Variants in PDE11A observed in about 807,000 individuals in gnomAD.
PDE11A encodes phosphodiesterase 11A.
Under a neutral mutation model 100.5 loss-of-function variants are expected in PDE11A, and 100 were observed. The observed-to-expected ratio is 1.00, with a 90% CI of 0.85 to 1.18. The LOEUF is 1.18. PDE11A is among the 50% of genes most tolerant of loss of function. The pLI is 0.00. For missense variants in PDE11A, 1,141 were observed against 1,152.6 expected, an observed-to-expected ratio of 0.99 and a Z score of 0.15; for synonymous variants, 381 against 420.8, an observed-to-expected ratio of 0.91 and a Z score of 1.16.
intron 9 of PDE11A, among the ~76,000 whole-genome samples, chr2:177,798,978 A>G (rs559071976): frequency 1.8e-4 from 28 of 152,208 alleles, no homozygotes; most frequent in Non-Finnish European, 3.2e-4. Context: ...CAAGGTTAAC[A>G]TCAATCATGG....
chr2:177,706,795 C>T (rs79490986), intron 13 of PDE11A, among the ~76,000 whole-genome samples: 4,648 of 152,068 alleles, frequency 0.031, 103 homozygotes, highest in Non-Finnish European at 0.046. Flanking sequence ...TGCAAAAAAA[C>T]TCTCTGAAAT....
intron 9 of PDE11A, among the ~76,000 whole-genome samples, chr2:177,774,605 A>G (rs1188878699): frequency 6.6e-6 from 1 of 152,134 alleles, no homozygotes; most frequent in East Asian, 1.9e-4. Flanking sequence ...TTCTAGGCTC[A>G]GTCTCTTCTT....
chr2:177,965,611 T>C (rs552044332), intron 2 of PDE11A, among the ~76,000 whole-genome samples: 28 of 152,346 alleles, frequency 1.8e-4, no homozygotes, highest in Non-Finnish European at 2.8e-4. Context: ...ATTTATTGAA[T>C]AGACAGTCCT....
intron 1 of PDE11A, among the ~76,000 whole-genome samples, chr2:178,028,948 C>T (rs2086512089): frequency 6.6e-6 from 1 of 152,172 alleles, no homozygotes. Flanking sequence ...GTAGAAATTG[C>T]AACAAGCCCT....
intron 9 of PDE11A, among the ~76,000 whole-genome samples, chr2:177,790,941 A>C (rs780926433): frequency 6.6e-6 from 1 of 152,234 alleles, no homozygotes; most frequent in Non-Finnish European, 1.5e-5. Flanking sequence ...TGTTGGAGAG[A>C]CTGTAAACTA....
At chr2:177,697,829 G>A (rs1387965536) in intron 14 of PDE11A, among the ~76,000 whole-genome samples, 1 of 152,204 alleles carries the variant, frequency 6.6e-6, no homozygotes, top group Non-Finnish European at 1.5e-5. Flanking sequence ...ACCAGTGAAG[G>A]TTTAAGCTGG....
At chr2:177,825,112 G>A (rs1402422750) in intron 6 of PDE11A, among the ~76,000 whole-genome samples, 2 of 152,148 alleles carry the variant, frequency 1.3e-5, no homozygotes, top group African/African-American at 4.8e-5. Flanking sequence ...ACTGAATTTA[G>A]CAACATAGTG....
At chr2:177,748,367 GA>G (rs1208387434) in intron 10 of PDE11A, among the ~76,000 whole-genome samples, 4 of 152,144 alleles carry the variant, frequency 2.6e-5, no homozygotes, top group African/African-American at 9.7e-5. Context: ...AGAGTAGACA[GA>G]TTGTAAATTT....
In PDE11A at chr2:177,989,682, A is replaced by G. The variant is rs549336300; in HGVS notation, c.1071+24620T>C. 1.8e-3 allele frequency among the ~76,000 whole-genome samples: 279 copies of G among 152,310 alleles called. 7 individuals carry two copies. In the South Asian group the frequency reaches 0.041, roughly 22 times the overall value. ...AGTTAGTCACTGCTCCTCATCTGAA[A>G]TTCCTTCAACCTGAGGTTAGGAGCA... On this transcript the variant is annotated intron_variant, in intron 2 of 19. Coordinates refer to ENST00000286063, the MANE Select transcript of PDE11A (RefSeq NM_016953.4).
chr2:177,791,534 T>TTA (rs2082632802), intron 9 of PDE11A, among the ~76,000 whole-genome samples: 1 of 142,720 alleles, frequency 7.0e-6, no homozygotes. Context: ...ACTTAAAGTA[T>TTA]AAAAAAAAAA....
intron 9 of PDE11A, among the ~76,000 whole-genome samples, chr2:177,796,084 CAGTA>C (rs1178384815): frequency 9.3e-5 from 14 of 150,870 alleles, no homozygotes; most frequent in African/African-American, 3.4e-4. Flanking sequence ...ATTTTAGCTA[CAGTA>C]AGTCTTTTTG....
chr2:177,697,477 G>C (rs779646467), intron 14 of PDE11A, 45 bp from the exon 15 acceptor site: 6 of 914,142 alleles, frequency 6.6e-6, no homozygotes, highest in Non-Finnish European at 1.1e-5. Context: ...TAAATCTGTG[G>C]TTGTTGATTA....
Position 177,769,392 on chromosome 2 carries a change from A to T in PDE11A, c.1738-19T>A, listed in dbSNP as rs201535754. Reference sequence around the variant, plus strand: ...ATAGCACCTGATTCAGAAGAAAAAAAAATAATTTTAATAACTAGACATGAC... The same window carrying T: ...ATAGCACCTGATTCAGAAGAAAAAATAATAATTTTAATAACTAGACATGAC... On this transcript the variant is annotated intron_variant, in intron 9 of 19. Coordinates refer to ENST00000286063, the MANE Select transcript of PDE11A (RefSeq NM_016953.4). 118 of 1,462,830 alleles carry T rather than the reference A, an allele frequency of 8.1e-5. No homozygotes were observed. Among genetic ancestry groups the T allele is most frequent in the South Asian group, 3.1e-4 (27 of 87,932 alleles). The allele number at this position is 1,462,830 out of a possible 1,614,324, so 90.6% of individuals were successfully genotyped here.
chr2:177,842,276 G>A (rs2083504291), intron 5 of PDE11A, among the ~76,000 whole-genome samples: 1 of 152,176 alleles, frequency 6.6e-6, no homozygotes, highest in Non-Finnish European at 1.5e-5. Context: ...GTTGGGTAGG[G>A]TGGGGCTCAA....
At chr2:177,859,540 T>C (rs1352115169) in intron 5 of PDE11A, among the ~76,000 whole-genome samples, 1 of 151,956 alleles carries the variant, frequency 6.6e-6, no homozygotes, top group East Asian at 1.9e-4. Context: ...GCCTTCAACA[T>C]CTCACTTTCT....
intron 19 of PDE11A, among the ~76,000 whole-genome samples, chr2:177,649,824 A>G (rs193272349): frequency 2.6e-5 from 4 of 152,264 alleles, no homozygotes; most frequent in Admixed American, 2.6e-4. Context: ...TACTTTGTGA[A>G]TTGTGTTCAC....
intron 1 of PDE11A, among the ~76,000 whole-genome samples, chr2:178,066,448 G>A (rs932376352): frequency 6.6e-6 from 1 of 152,146 alleles, no homozygotes; most frequent in Admixed American, 6.6e-5. Context: ...AATGGAGTAT[G>A]AGCCCCAGAG....
intron 2 of PDE11A, among the ~76,000 whole-genome samples, chr2:177,923,625 T>G (rs1345670272): frequency 6.6e-6 from 1 of 152,142 alleles, no homozygotes; most frequent in Non-Finnish European, 1.5e-5. Context: ...GAGCTTTGAG[T>G]AGAGCTTTGG....
chr2:177,827,406 T>C (rs1044940482), intron 6 of PDE11A, among the ~76,000 whole-genome samples: 9 of 152,230 alleles, frequency 5.9e-5, no homozygotes, highest in Non-Finnish European at 1.3e-4. Flanking sequence ...CATCCATGCA[T>C]AAGGCCTGCC....
Sources: allele counts gnomAD v4.1 joint callset (sites outside exome capture counted in the v4.1 genomes callset), GRCh38; gene constraint gnomAD v4.1.1; transcripts MANE v1.5; gene names NCBI Gene and HGNC (gene_info 2026-07-23, HGNC 2026-07-21).